The following NLGN4X variants were observed in gnomAD, a reference collection of about 807,000 sequenced individuals.
NLGN4X encodes neuroligin 4 X-linked, also known as neuroligin-4, X-linked.
Under a neutral mutation model 40.3 loss-of-function variants are expected in NLGN4X, and 3 were observed. The ratio of observed to expected loss-of-function variants is 0.07; its 90% CI spans 0.03 to 0.19. The LOEUF (loss-of-function observed/expected upper bound fraction) is 0.19. Ranked by LOEUF, NLGN4X falls within the 10% of genes least tolerant of loss-of-function variation. The pLI, the probability that NLGN4X is intolerant of heterozygous loss-of-function variation, is 1.00. For missense variants in NLGN4X, 382 were observed against 708.3 expected, an observed-to-expected ratio of 0.54 and a Z score of 5.23; for synonymous variants, 270 against 306.8, an observed-to-expected ratio of 0.88 and a Z score of 1.25.
At chrX:6,136,034 G>A (rs981274269) in intron 2 of NLGN4X, among the ~76,000 whole-genome samples, 1 of 112,113 alleles carries the variant, frequency 8.9e-6, no homozygotes, top group African/African-American at 3.2e-5. Context: ...CTATGTAGAA[G>A]TTGGGTTACA....
intron 1 of NLGN4X, among the ~76,000 whole-genome samples, chrX:6,224,415 C>T (rs1294645866): frequency 8.9e-6 from 1 of 112,008 alleles, no homozygotes; most frequent in East Asian, 2.8e-4. Context: ...GTCTCTGTTG[C>T]GGAGTCAGTC....
At chrX:6,184,678 AC>A (rs948270654) in intron 1 of NLGN4X, among the ~76,000 whole-genome samples, 1 of 111,695 alleles carries the variant, frequency 9.0e-6, no homozygotes, top group African/African-American at 3.3e-5. Flanking sequence ...GGAAAATTAT[AC>A]CTACTCATCC....
chrX:5,917,868 T>C (rs980964872), intron 3 of NLGN4X, among the ~76,000 whole-genome samples: 8 of 112,412 alleles, frequency 7.1e-5, no homozygotes, highest in African/African-American at 2.6e-4. Context: ...TGTTCTCTGA[T>C]GGTATTTTAA....
At chrX:6,103,049 A>T (rs2038953167) in intron 2 of NLGN4X, among the ~76,000 whole-genome samples, 1 of 111,868 alleles carries the variant, frequency 8.9e-6, no homozygotes, top group African/African-American at 3.3e-5. Context: ...GCACTCCTTG[A>T]AAGTATGCAA....
At chrX:6,028,320 G>A (rs2036762028) in intron 3 of NLGN4X, among the ~76,000 whole-genome samples, 1 of 111,628 alleles carries the variant, frequency 9.0e-6, no homozygotes, top group Non-Finnish European at 1.9e-5. Flanking sequence ...AGAAGGTACT[G>A]AAATCTGACT....
At chrX:6,154,952 A>G (rs746681373) in intron 1 of NLGN4X, among the ~76,000 whole-genome samples, 1 of 111,880 alleles carries the variant, frequency 8.9e-6, no homozygotes, top group African/African-American at 3.2e-5. Flanking sequence ...ATTTCTCCCC[A>G]AAGTATACAT....
At chrX:6,150,509 A>G (rs1377804937) in intron 2 of NLGN4X, among the ~76,000 whole-genome samples, 1 of 111,918 alleles carries the variant, frequency 8.9e-6, no homozygotes, top group Non-Finnish European at 1.9e-5. Flanking sequence ...CCCTACTTGT[A>G]TATTAAAAAC....
At chrX:6,082,948 G>GTTTTTTTTTTTTTTT (rs930625574) in intron 2 of NLGN4X, among the ~76,000 whole-genome samples, 7 of 70,356 alleles carry the variant, frequency 9.9e-5, no homozygotes, top group African/African-American at 1.9e-4. Flanking sequence ...GCCATGATGC[G>GTTTTTTTTTTTTTTT]TTTTTTTCTT....
intron 1 of NLGN4X, among the ~76,000 whole-genome samples, chrX:6,178,326 G>A (rs868664494): frequency 2.0e-4 from 22 of 111,704 alleles, no homozygotes; most frequent in African/African-American, 7.1e-4. Context: ...TTCACCCACC[G>A]AGCTCTGATA....
chrX:5,957,880 T>G (rs969632894), intron 3 of NLGN4X, among the ~76,000 whole-genome samples: 1 of 112,542 alleles, frequency 8.9e-6, no homozygotes, highest in African/African-American at 3.2e-5. Context: ...TAGAGTTTAA[T>G]TTTTGCAAAA....
chrX:6,214,171 T>G (rs143115528), intron 1 of NLGN4X, among the ~76,000 whole-genome samples: 1,542 of 111,250 alleles, frequency 0.014, 28 homozygotes, highest in African/African-American at 0.048. Flanking sequence ...ATGTCAGGAG[T>G]GGAGTGGGCT....
At chrX:6,215,128 C>A (rs1264659830) in intron 1 of NLGN4X, among the ~76,000 whole-genome samples, 1 of 112,490 alleles carries the variant, frequency 8.9e-6, no homozygotes, top group African/African-American at 3.2e-5. Context: ...TTAAATAATG[C>A]ACTTTGCTTT....
intron 3 of NLGN4X, 37 bp from the exon 4 acceptor site, chrX:5,909,276 A>C: frequency 8.5e-7 from 1 of 1,179,285 alleles, no homozygotes; most frequent in African/African-American, 1.7e-5. Flanking sequence ...GTGGCCAAAT[A>C]GAAAAAGTGC....
rs142537161 is a variant in NLGN4X, at chrX:6,065,552, C to T, written c.473-36120G>A. On this transcript the variant is annotated intron_variant, in intron 2 of 5. Transcript: ENST00000381095. ...ATGACTGCTTTTATCATAATTTATC[C>T]GCCAAATGTTTAAGGGGAGAAGGTG... 5.8e-3 allele frequency among the ~76,000 whole-genome samples: 642 copies of T among 110,978 alleles called. 4 individuals are homozygous for T. The highest frequency in any genetic ancestry group is 0.018 in the African/African-American group (546 of 30,561).
intron 2 of NLGN4X, among the ~76,000 whole-genome samples, chrX:6,142,313 A>T (rs750882438): frequency 8.9e-5 from 10 of 112,640 alleles, no homozygotes; most frequent in Non-Finnish European, 1.9e-4. Context: ...TAAGATTATT[A>T]CTCAGTATTC....
intron 3 of NLGN4X, among the ~76,000 whole-genome samples, chrX:5,934,080 T>C (rs1016547398): frequency 3.6e-5 from 4 of 111,652 alleles, no homozygotes; most frequent in Non-Finnish European, 7.5e-5. Context: ...CTGACAACCA[T>C]GAGTCTACTC....
intron 2 of NLGN4X, among the ~76,000 whole-genome samples, chrX:6,051,812 G>A (rs4347107): frequency 0.42 from 45,726 of 109,788 alleles, 7,162 homozygotes; most frequent in Admixed American, 0.48. Context: ...ATGCCCTCCC[G>A]TAATCCCAGG....
At chrX:6,208,801 G>C (rs936098619) in intron 1 of NLGN4X, among the ~76,000 whole-genome samples, 2 of 111,925 alleles carry the variant, frequency 1.8e-5, no homozygotes, top group Admixed American at 1.9e-4. Flanking sequence ...ATTAGTATAA[G>C]TTCTATGGAA....
chrX:5,926,221 G>A (rs2033311958), intron 3 of NLGN4X, among the ~76,000 whole-genome samples: 1 of 107,639 alleles, frequency 9.3e-6, no homozygotes, highest in African/African-American at 3.3e-5. Context: ...CACGTTTGCT[G>A]CCCTTTCTGC....
Sources: allele counts gnomAD v4.1 joint callset (sites outside exome capture counted in the v4.1 genomes callset), GRCh38; gene constraint gnomAD v4.1.1; transcripts MANE v1.5; gene names NCBI Gene and HGNC (gene_info 2026-07-23, HGNC 2026-07-21).